The following RAP1A variants were observed in gnomAD, a reference collection of about 807,000 sequenced individuals.
RAP1A encodes the protein RAP1A, member of RAS oncogene family, also known as ras-related protein Rap-1A.
Under a neutral mutation model 26.4 loss-of-function variants are expected in RAP1A, and 6 were observed. The observed-to-expected ratio is 0.23, with a 90% confidence interval of 0.12 to 0.45. The LOEUF (loss-of-function observed/expected upper bound fraction) is 0.45, where lower values mean the gene tolerates loss of function less well. Among genes scored for constraint, RAP1A ranks in the 20% least tolerant of loss-of-function variants. The pLI is 0.99. For synonymous variants in RAP1A, 73 were observed against 79.4 expected (o/e 0.92, Z 0.43); for missense variants, 121 against 217.2 (o/e 0.56, Z 2.78).
Position 111,670,119 on chromosome 1 carries a change from G to A in RAP1A, c.-27-21215G>A, listed in dbSNP as rs537019737. ...CACAGCACTAAGAAAGATTCCAAAA[G>A]ATATACTTTAGGTAGAAGGAAAGTG... On this transcript the variant is annotated intron_variant, in intron 1 of 7. Coordinates refer to ENST00000369709, the MANE Select transcript of RAP1A (RefSeq NM_002884.4). Among the ~76,000 whole-genome samples the A allele has an allele frequency of 2.0e-5, 3 of 152,140 alleles. No individual in the cohort carries two copies. The South Asian group carries it at 6.2e-4, about 32-fold the overall frequency.
At chr1:111,663,429 C>T (rs1027588710) in intron 1 of RAP1A, among the ~76,000 whole-genome samples, 13 of 152,130 alleles carry the variant, frequency 8.5e-5, no homozygotes, top group African/African-American at 3.1e-4. Context: ...ATTACCTTTC[C>T]AAAATTCTTC....
intron 1 of RAP1A, among the ~76,000 whole-genome samples, chr1:111,600,609 G>A (rs756173201): frequency 2.6e-5 from 4 of 152,180 alleles, no homozygotes; most frequent in Non-Finnish European, 5.9e-5. Context: ...GAAATTCCTT[G>A]TTAGGACACT....
chr1:111,590,947 T>C (rs950775645), intron 1 of RAP1A, among the ~76,000 whole-genome samples: 1 of 152,220 alleles, frequency 6.6e-6, no homozygotes, highest in Non-Finnish European at 1.5e-5. Context: ...CTGGAATAGA[T>C]CATATAAGAT....
At chr1:111,594,690 C>T (rs559088598) in intron 1 of RAP1A, among the ~76,000 whole-genome samples, 181 of 152,222 alleles carry the variant, frequency 1.2e-3, no homozygotes, top group African/African-American at 4.3e-3. Flanking sequence ...CCATAAAGTT[C>T]CTTAAGTGCT....
chr1:111,707,092 T>C (rs1332530192), intron 6 of RAP1A, among the ~76,000 whole-genome samples: 2 of 152,188 alleles, frequency 1.3e-5, no homozygotes, highest in African/African-American at 4.8e-5. Flanking sequence ...ATAAATTCTG[T>C]TTTCAGACTT....
rs904534962 is a variant in RAP1A at position 111,549,615 on chromosome 1, A to G, written c.-28+7106A>G. Reference sequence around the variant, plus strand: ...TGGTGAGCCGATATCATGCCACTGCACTCCAGCCTGGGCAACAGAGTGAGA... The same window carrying G: ...TGGTGAGCCGATATCATGCCACTGCGCTCCAGCCTGGGCAACAGAGTGAGA... On this transcript the variant is annotated intron_variant, in intron 1 of 7. Coordinates refer to the RAP1A transcript ENST00000356415. Among the ~76,000 whole-genome samples the G allele has an allele frequency of 1.3e-4, 19 of 147,570 alleles. No individual in the cohort carries two copies. The South Asian group carries it at 2.3e-3, about 18-fold the overall frequency.
intron 1 of RAP1A, chr1:111,650,291 C>G (rs1571528199): frequency 6.6e-6 from 1 of 151,802 alleles, no homozygotes; most frequent in East Asian, 1.9e-4. Flanking sequence ...TTTTCATTCT[C>G]CTATATCAAA....
At chr1:111,551,727 T>C (rs1202584913) in intron 1 of RAP1A, among the ~76,000 whole-genome samples, 1 of 150,198 alleles carries the variant, frequency 6.7e-6, no homozygotes, top group African/African-American at 2.4e-5. Context: ...GGTTTTTTGG[T>C]TTTGTTTTGT....
chr1:111,593,410 A>C (rs1358434761), intron 1 of RAP1A, among the ~76,000 whole-genome samples: 4 of 152,020 alleles, frequency 2.6e-5, no homozygotes, highest in African/African-American at 9.7e-5. Context: ...TCTTCTTTGT[A>C]CTTTTTTGTT....
At chr1:111,682,571 T>C (rs1661331599) in intron 1 of RAP1A, among the ~76,000 whole-genome samples, 1 of 149,498 alleles carries the variant, frequency 6.7e-6, no homozygotes, top group Admixed American at 6.7e-5. Context: ...CCAACAAAGA[T>C]TAAAAAAAGA....
At chr1:111,634,615 A>G (rs1659671427) in intron 1 of RAP1A, among the ~76,000 whole-genome samples, 1 of 150,488 alleles carries the variant, frequency 6.6e-6, no homozygotes, top group African/African-American at 2.4e-5. Flanking sequence ...ATATATATGT[A>G]TGTATGTATG....
intron 1 of RAP1A, among the ~76,000 whole-genome samples, chr1:111,547,813 T>A (rs1417786089): frequency 1.3e-5 from 2 of 152,208 alleles, no homozygotes; most frequent in African/African-American, 4.8e-5. Flanking sequence ...GGAGAAAGAC[T>A]CTCTGGTGAA....
intron 1 of RAP1A, among the ~76,000 whole-genome samples, chr1:111,585,311 T>C (rs1168926988): frequency 6.6e-6 from 1 of 152,234 alleles, no homozygotes; most frequent in Non-Finnish European, 1.5e-5. Context: ...CTTTAAAATG[T>C]CATGGGAGAA....
At chr1:111,610,579 CA>C (rs1658910600) in intron 1 of RAP1A, among the ~76,000 whole-genome samples, 5 of 140,986 alleles carry the variant, frequency 3.5e-5, no homozygotes, top group African/African-American at 5.3e-5. Context: ...CACACACACA[CA>C]CCCAACACCA....
intron 1 of RAP1A, among the ~76,000 whole-genome samples, chr1:111,581,687 C>T (rs1264812707): frequency 1.3e-5 from 2 of 152,158 alleles, no homozygotes; most frequent in African/African-American, 4.8e-5. Flanking sequence ...ATAACTTAAG[C>T]ATGGCATAAA....
intron 1 of RAP1A, among the ~76,000 whole-genome samples, chr1:111,688,822 GTTT>G (rs767753356): frequency 1.0e-3 from 91 of 90,116 alleles, no homozygotes; most frequent in African/African-American, 3.7e-3. Context: ...TTTTTTTTTT[GTTT>G]TTTTTTTTGT....
intron 1 of RAP1A, among the ~76,000 whole-genome samples, chr1:111,646,440 CAAAA>C (rs951263201): frequency 7.2e-5 from 9 of 124,468 alleles, no homozygotes; most frequent in African/African-American, 1.4e-4. Context: ...AAAAACAAAA[CAAAA>C]CCTCAATTCC....
intron 1 of RAP1A, among the ~76,000 whole-genome samples, chr1:111,580,571 G>A (rs986852103): frequency 3.9e-5 from 6 of 152,182 alleles, no homozygotes; most frequent in African/African-American, 1.2e-4. Context: ...CCTAGTTGCC[G>A]GGCGTGGTGG....
chr1:111,609,590 G>T (rs1213941471), intron 1 of RAP1A, among the ~76,000 whole-genome samples: 1 of 152,146 alleles, frequency 6.6e-6, no homozygotes, highest in African/African-American at 2.4e-5. Flanking sequence ...TGAACAATGG[G>T]AGGCTATTGA....
Sources: gnomAD v4.1 joint callset for allele counts (sites outside exome capture counted in the v4.1 genomes callset) on GRCh38, gnomAD v4.1.1 for gene constraint, MANE v1.5 for transcripts, NCBI Gene and HGNC (gene_info 2026-07-23, HGNC 2026-07-21) for gene names.